CFAP70: variants seen among roughly 807,000 people sequenced by gnomAD.
CFAP70 encodes cilia- and flagella-associated protein 70.
In CFAP70, 81 loss-of-function variants were observed where a neutral mutation model predicts 137.6. That is an observed-to-expected ratio of 0.59 (90% confidence interval 0.49 to 0.71). The LOEUF (loss-of-function observed/expected upper bound fraction) is 0.71. CFAP70 is among the 30% of genes least tolerant of loss of function. The pLI is 0.00. For missense variants in CFAP70, 976 were observed against 1,226.7 expected (o/e 0.80, Z 3.05); for synonymous variants, 382 against 423.6 (o/e 0.90, Z 1.20).
chr10:73,261,290 C>A (rs956214899), intron 25 of CFAP70, among the ~76,000 whole-genome samples: 17 of 152,098 alleles, frequency 1.1e-4, no homozygotes, highest in African/African-American at 3.9e-4. Context: ...CCACCCCTGG[C>A]TAATCTTTGT....
chr10:73,299,975 G>A (rs2048827782), intron 12 of CFAP70, among the ~76,000 whole-genome samples: 1 of 152,170 alleles, frequency 6.6e-6, no homozygotes, highest in Non-Finnish European at 1.5e-5. Context: ...GTATACAAGG[G>A]CTGTTTGACT....
At chr10:73,301,970 G>A (rs892046106) in intron 12 of CFAP70, among the ~76,000 whole-genome samples, 3 of 152,104 alleles carry the variant, frequency 2.0e-5, no homozygotes, top group South Asian at 2.1e-4. Flanking sequence ...ATAATATCTC[G>A]AAAAAGCTAT....
rs550296170 is a variant in CFAP70 at position 73,274,570 on chromosome 10, C to T, written c.2698G>A (p.Gly900Ser). The T allele has an allele frequency of 1.9e-6, 3 of 1,613,862 alleles. No individual in the cohort carries two copies. In the African/African-American group the frequency reaches 4.0e-5, roughly 22 times the overall value. Residue 900 changes from glycine to serine, a missense_variant, in exon 23 of 27, where the codon GGC becomes AGC. Physicochemically the swap from Gly to Ser is moderately conservative, Grantham distance 56. Transcript: ENST00000310715. Reference sequence around the variant, plus strand: ...TTTCCACTCAGAAAATAGAGATGGCCCTTCAGGCCCCAGACATTGGGGTTC... The same window carrying T: ...TTTCCACTCAGAAAATAGAGATGGCTCTTCAGGCCCCAGACATTGGGGTTC...
At position 73,311,816 on chromosome 10, in the gene CFAP70, A is replaced by C; in HGVS notation, c.1164+18T>G. On this transcript the variant is annotated intron_variant, in intron 11 of 26. Transcript: ENST00000310715. ...TGGTTAACTTAAACTTAATTTTCCA[A>C]ACTTCATGCACAATTACCTGTCCTT... is the stretch of plus-strand genomic sequence containing the variant. The C allele has an allele frequency of 6.3e-7, 1 of 1,597,952 alleles. No individual in the cohort carries two copies. The highest frequency in any genetic ancestry group is 8.6e-7 in the Non-Finnish European group (1 of 1,166,830).
At chr10:73,312,399 C>G in intron 10 of CFAP70, 74 bp downstream of exon 11, 1 of 1,106,676 alleles carries the variant, frequency 9.0e-7, no homozygotes, top group Non-Finnish European at 1.3e-6. Flanking sequence ...TGATACCAGT[C>G]ACCAAGTGAG....
intron 7 of CFAP70, among the ~76,000 whole-genome samples, chr10:73,332,009 A>C (rs1483115296): frequency 6.6e-6 from 1 of 152,222 alleles, no homozygotes; most frequent in African/African-American, 2.4e-5. Flanking sequence ...AGTTGATCGA[A>C]TTGAAATAAA....
intron 1 of CFAP70, among the ~76,000 whole-genome samples, chr10:73,357,983 C>A (rs559491511): frequency 6.6e-6 from 1 of 152,242 alleles, no homozygotes; most frequent in South Asian, 2.1e-4. Context: ...TCCTACTTAA[C>A]AACTATGTGC....
exon 15 of CFAP70, chr10:73,297,042 C>T (rs1427369734): frequency 1.9e-6 from 3 of 1,612,280 alleles, no homozygotes. Flanking sequence ...TGACACTTAC[C>T]TGGTTTAGGG....
chr10:73,268,879 G>T (rs1429875486), intron 25 of CFAP70, among the ~76,000 whole-genome samples: 1 of 151,740 alleles, frequency 6.6e-6, no homozygotes, highest in Non-Finnish European at 1.5e-5. Context: ...TAGAGGCAGG[G>T]TTTTGCCATG....
chr10:73,351,874 AC>A (rs776446213), intron 3 of CFAP70, among the ~76,000 whole-genome samples: 7 of 152,114 alleles, frequency 4.6e-5, no homozygotes, highest in Admixed American at 2.0e-4. Flanking sequence ...TTCCAACACC[AC>A]CCCAAAAGGG....
chr10:73,302,364 G>A (rs2049011995), intron 12 of CFAP70, among the ~76,000 whole-genome samples: 1 of 152,202 alleles, frequency 6.6e-6, no homozygotes, highest in African/African-American at 2.4e-5. Context: ...GGAGGGTTGA[G>A]TAGTTAAATG....
At chr10:73,299,544 T>C in intron 13 of CFAP70, 61 bp downstream of exon 14, 1 of 1,391,764 alleles carries the variant, frequency 7.2e-7, no homozygotes, top group Middle Eastern at 1.8e-4. Context: ...TCCATGCAAT[T>C]AACAAGTGCA....
Position 73,291,789 on chromosome 10 carries a change from G to A in CFAP70, c.1905-34C>T, listed in dbSNP as rs199530883. The A allele has an allele frequency of 1.1e-3, 1,851 of 1,613,092 alleles. 26 individuals are homozygous for A. The South Asian group carries it at 0.017, about 15-fold the overall frequency. On this transcript the variant is annotated intron_variant, in intron 17 of 26. Transcript: ENST00000310715. ...AGATCACCAACATGATTAACAACAC[G>A]GTCCCATGTCACATTTATGGAACCA...
exon 17 of CFAP70, chr10:73,291,888 T>G: frequency 1.2e-6 from 2 of 1,614,172 alleles, no homozygotes; most frequent in Non-Finnish European, 1.7e-6. Context: ...TACCTGTGGA[T>G]ATGACTCTGG....
chr10:73,345,213 G>A, intron 4 of CFAP70: 1 of 1,614,086 alleles, frequency 6.2e-7, no homozygotes, highest in Non-Finnish European at 8.5e-7. Flanking sequence ...TAAAGGCTCT[G>A]CCACTAATAC....
At chr10:73,260,467 C>A (rs1365778025) in intron 25 of CFAP70, among the ~76,000 whole-genome samples, 2 of 152,026 alleles carry the variant, frequency 1.3e-5, no homozygotes, top group South Asian at 2.1e-4. Context: ...ATTTGTTTCT[C>A]ATTTTGCAGG....
intron 3 of CFAP70, among the ~76,000 whole-genome samples, chr10:73,349,819 C>A (rs1412678203): frequency 6.6e-6 from 1 of 152,156 alleles, no homozygotes; most frequent in Non-Finnish European, 1.5e-5. Context: ...TTTGTTTGCT[C>A]AAATACTTTT....
At chr10:73,290,123 G>A (rs1484807685) in intron 19 of CFAP70, among the ~76,000 whole-genome samples, 2 of 151,924 alleles carry the variant, frequency 1.3e-5, no homozygotes, top group Non-Finnish European at 1.5e-5. Context: ...AACAACACAG[G>A]TATCTATCAA....
At chr10:73,362,387 A>G (rs185599138), upstream of CFAP70, among the ~76,000 whole-genome samples, 1 of 152,342 alleles carries the variant, frequency 6.6e-6, no homozygotes, top group Non-Finnish European at 1.5e-5. Context: ...GGGAAGTATG[A>G]ACATTTTAAT....
Sources: allele counts gnomAD v4.1 joint callset (sites outside exome capture counted in the v4.1 genomes callset), GRCh38; gene constraint gnomAD v4.1.1; transcripts MANE v1.5; gene names NCBI Gene and HGNC (gene_info 2026-07-23, HGNC 2026-07-21).